Variants in COL4A6 observed in about 807,000 individuals in gnomAD.
COL4A6 encodes collagen alpha-6(IV) chain.
In COL4A6, 59 loss-of-function variants were observed where a neutral mutation model predicts 126.7. That is an observed-to-expected ratio of 0.47 (90% CI 0.38 to 0.58). The LOEUF is 0.58. Ranked by LOEUF, COL4A6 falls within the 20% of genes least tolerant of loss-of-function variation. COL4A6 has a pLI of 0.00. For synonymous variants in COL4A6, 547 were observed against 496.6 expected (o/e 1.10, Z -1.35); for missense variants, 1,285 against 1,337.3 (o/e 0.96, Z 0.61).
chrX:108,230,521 C>T (rs1417982543), intron 3 of COL4A6, among the ~76,000 whole-genome samples: 1 of 111,702 alleles, frequency 9.0e-6, no homozygotes, highest in Non-Finnish European at 1.9e-5. Flanking sequence ...CTCATTTCAG[C>T]TGATGGTTGG....
At chrX:108,225,358 A>G (rs1488090921) in intron 3 of COL4A6, among the ~76,000 whole-genome samples, 1 of 112,831 alleles carries the variant, frequency 8.9e-6, no homozygotes, top group Non-Finnish European at 1.9e-5. Flanking sequence ...CAGAATTTCA[A>G]TGGGCTTGGA....
chrX:108,189,851 T>C (rs1192847046), intron 20 of COL4A6, among the ~76,000 whole-genome samples: 2 of 112,329 alleles, frequency 1.8e-5, no homozygotes, highest in East Asian at 5.6e-4. Context: ...CTTCAGTCAG[T>C]AGTTTCACTT....
intron 2 of COL4A6, among the ~76,000 whole-genome samples, chrX:108,349,506 T>C (rs763241182): frequency 1.8e-5 from 2 of 111,987 alleles, no homozygotes; most frequent in Non-Finnish European, 3.8e-5. Context: ...GCAAGTTACC[T>C]AACTTTTCTG....
intron 2 of COL4A6, among the ~76,000 whole-genome samples, chrX:108,353,481 G>A (rs1465053850): frequency 1.8e-5 from 2 of 112,157 alleles, no homozygotes; most frequent in Non-Finnish European, 3.8e-5. Flanking sequence ...ATGAAAAGAA[G>A]ATTAGGAGAA....
At chrX:108,187,343 A>ACTGAC (rs1264497183) in intron 22 of COL4A6, 64 bp from the exon 23 acceptor site, 1 of 927,501 alleles carries the variant, frequency 1.1e-6, no homozygotes, top group Non-Finnish European at 1.4e-6. Context: ...CAGTCCTCTG[A>ACTGAC]CTACAGGAAA....
chrX:108,193,597 A>G, intron 17 of COL4A6, 31 bp downstream of exon 17: 2 of 1,125,521 alleles, frequency 1.8e-6, no homozygotes, highest in Non-Finnish European at 2.4e-6. Context: ...TCCTGTCTTT[A>G]TTTTCCACTC....
intron 2 of COL4A6, among the ~76,000 whole-genome samples, chrX:108,321,142 AT>A (rs1334822504): frequency 8.9e-6 from 1 of 111,861 alleles, no homozygotes; most frequent in Non-Finnish European, 1.9e-5. Context: ...GTCAGCTGGT[AT>A]TATTTACAAT....
intron 3 of COL4A6, among the ~76,000 whole-genome samples, chrX:108,274,883 G>T (rs768009855): frequency 1.8e-5 from 2 of 111,224 alleles, no homozygotes; most frequent in South Asian, 3.8e-4. Context: ...GACTATTCTA[G>T]CACCTTTGCC....
chrX:108,284,699 C>A (rs1224733755), intron 3 of COL4A6, among the ~76,000 whole-genome samples: 1 of 112,168 alleles, frequency 8.9e-6, no homozygotes, highest in Non-Finnish European at 1.9e-5. Flanking sequence ...ATTCAGCTAG[C>A]AAATGTTTGC....
intron 2 of COL4A6, among the ~76,000 whole-genome samples, chrX:108,356,488 A>T (rs1033911215): frequency 2.5e-4 from 28 of 111,408 alleles, no homozygotes; most frequent in African/African-American, 9.1e-4. Context: ...TATGGGGCTA[A>T]ACCAGTAGCT....
rs750224195 is a variant in COL4A6 at position 108,283,122 on chromosome X, T to A, written c.144+27626A>T. 7.5e-5 allele frequency among the ~76,000 whole-genome samples: 8 copies of A among 107,323 alleles called. No individual in the cohort carries two copies. In the South Asian group the frequency reaches 2.1e-3, roughly 29 times the overall value. The allele number at this position is 107,323 out of a possible 115,157, so 93.2% of individuals were successfully genotyped here. On this transcript the variant is annotated intron_variant, in intron 3 of 44. Transcript: ENST00000334504. ...TGTAACTAACCTGCACATTGTGCAC[T>A]TGTACCCTAAAACTTAAAGTATAAT...
chrX:108,180,307 G>T (rs1004320081), intron 25 of COL4A6, among the ~76,000 whole-genome samples: 1 of 111,460 alleles, frequency 9.0e-6, no homozygotes, highest in African/African-American at 3.3e-5. Flanking sequence ...GATTTTGAAT[G>T]GTCCTTATTG....
At position 108,187,871 on chromosome X, in the gene COL4A6, A is replaced by G. The variant is rs2034918660; in HGVS notation, c.1744T>C (p.Leu582=). The G allele has an allele frequency of 2.5e-6, 3 of 1,205,466 alleles. No homozygotes were observed. The highest frequency in any genetic ancestry group is 3.4e-6 in the Non-Finnish European group (3 of 892,757). ...GEPGKDGVPG[L]PGLPGLPGDG... is the part of the protein sequence containing the mutation. ...ACCGGAAGGCCTGGCAGACCTGGTA[A>G]ACCTGGTACTCCGTCCTTGCCTGGT... Residue 582 remains leucine (L), a synonymous_variant, in exon 22 of 45, where the codon TTA becomes CTA. Transcript: ENST00000334504.
At chrX:108,164,018 G>A (rs1304948849) in intron 40 of COL4A6, among the ~76,000 whole-genome samples, 3 of 111,478 alleles carry the variant, frequency 2.7e-5, no homozygotes, top group Non-Finnish European at 3.8e-5. Flanking sequence ...TGCGTGCCAC[G>A]GTGAGTTCAT....
chrX:108,214,717 C>A (rs1346814404), intron 5 of COL4A6, among the ~76,000 whole-genome samples: 1 of 112,140 alleles, frequency 8.9e-6, no homozygotes, highest in Non-Finnish European at 1.9e-5. Flanking sequence ...TCCCACAGCA[C>A]CCCCTCTCCT....
chrX:108,261,911 C>T (rs1283583693), intron 3 of COL4A6, among the ~76,000 whole-genome samples: 1 of 112,045 alleles, frequency 8.9e-6, no homozygotes, highest in South Asian at 3.7e-4. Flanking sequence ...CCTTTCTTAA[C>T]TATAAACATG....
chrX:108,197,390 A>G lies in COL4A6; in HGVS notation c.835-811T>C, dbSNP rs2035251770. ...GGGCCCCCAAGATACAGAATAGTTCAGTACTAAAGTGAATAATGTTTTTCA... is the reference window on the plus strand; with the variant it reads ...GGGCCCCCAAGATACAGAATAGTTCGGTACTAAAGTGAATAATGTTTTTCA... On this transcript the variant is annotated intron_variant, in intron 13 of 44. Transcript: ENST00000334504. Among the ~76,000 whole-genome samples the G allele has an allele frequency of 3.6e-5, 4 of 112,547 alleles. No individual in the cohort carries two copies. The Admixed American group carries it at 3.7e-4, about 11-fold the overall frequency.
chrX:108,275,138 A>G (rs778295563), intron 3 of COL4A6, among the ~76,000 whole-genome samples: 21 of 111,603 alleles, frequency 1.9e-4, no homozygotes, highest in Non-Finnish European at 3.2e-4. Context: ...GAAATTTTAT[A>G]GTTTTTATTC....
At chrX:108,228,477 C>T (rs757606403) in intron 3 of COL4A6, among the ~76,000 whole-genome samples, 1 of 112,277 alleles carries the variant, frequency 8.9e-6, no homozygotes, top group East Asian at 2.8e-4. Context: ...CCTCAAGGAA[C>T]ATTTAAGCTT....
Sources: gnomAD v4.1 joint callset for allele counts (sites outside exome capture counted in the v4.1 genomes callset) on GRCh38, gnomAD v4.1.1 for gene constraint, MANE v1.5 for transcripts, NCBI Gene and HGNC (gene_info 2026-07-23, HGNC 2026-07-21) for gene names.